The following KLC1 variants were observed in gnomAD, a reference collection of about 807,000 sequenced individuals.
KLC1 encodes the protein kinesin 2 60/70kDa.
A neutral mutation model predicts 84.2 loss-of-function variants in KLC1; 30 were observed. The observed-to-expected ratio is 0.36, with a 90% CI of 0.27 to 0.48. The LOEUF (loss-of-function observed/expected upper bound fraction) is 0.48, where lower values mean the gene tolerates loss of function less well. Among genes scored for constraint, KLC1 ranks in the 20% least tolerant of loss-of-function variants. KLC1 has a pLI of 0.99. For synonymous variants in KLC1, 289 were observed against 293.3 expected (o/e 0.99, Z 0.15); for missense variants, 499 against 805.4 (o/e 0.62, Z 4.60).
Position 103,644,969 on chromosome 14 carries a change from TTCTC to T in KLC1, c.-1-9587_-1-9584del, listed in dbSNP as rs1031231312. 7.9e-5 allele frequency among the ~76,000 whole-genome samples: 12 copies of T among 151,824 alleles called. No individual in the cohort carries two copies. The East Asian group carries it at 1.4e-3, about 17-fold the overall frequency. ...TTCTGTTCTTTTCCTTTTCTTTTCT[TTCTC>T]TCTCTCTTTCTTTCTTTTTCTTTGA... On this transcript the variant is annotated intron_variant, in intron 1 of 16. Coordinates refer to ENST00000334553, the MANE Select transcript of KLC1 (RefSeq NM_001394837.1).
At chr14:103,634,285 G>A (rs147663755) in intron 1 of KLC1, among the ~76,000 whole-genome samples, 77 of 152,252 alleles carry the variant, frequency 5.1e-4, no homozygotes, top group Non-Finnish European at 9.0e-4. Flanking sequence ...TGCTTGGCGT[G>A]TAATAGGAAC....
At chr14:103,652,672 A>T (rs533251707) in intron 1 of KLC1, among the ~76,000 whole-genome samples, 20 of 152,234 alleles carry the variant, frequency 1.3e-4, no homozygotes, top group Non-Finnish European at 2.5e-4. Flanking sequence ...TTGTATTTTT[A>T]GTAGAGACGG....
At chr14:103,699,333 C>G in intron 15 of KLC1, 1 of 1,571,748 alleles carries the variant, frequency 6.4e-7, no homozygotes, top group Non-Finnish European at 8.6e-7. Context: ...AAAATACGAG[C>G]TCAGGGGTGC....
At chr14:103,648,566 T>C (rs1054872740) in intron 1 of KLC1, among the ~76,000 whole-genome samples, 24 of 152,114 alleles carry the variant, frequency 1.6e-4, no homozygotes, top group African/African-American at 5.5e-4. Flanking sequence ...ACAGGTCACT[T>C]GAGCCTAGGA....
intron 1 of KLC1, among the ~76,000 whole-genome samples, 176 bp downstream of exon 1, chr14:103,629,670 C>T (rs570709219): frequency 5.3e-4 from 81 of 152,166 alleles, no homozygotes; most frequent in African/African-American, 1.9e-3. Flanking sequence ...CAGTTCACCG[C>T]CCCGGCCGGT....
rs1187342442 is a variant in KLC1 at position 103,653,432 on chromosome 14, G to A, written c.-1-1132G>A. ...TGCCTCCCGGGCTCAAGTGATTCTCGTGCCTCAGCCCCCTGAGTAGCTGGG... is the reference window on the plus strand; with the variant it reads ...TGCCTCCCGGGCTCAAGTGATTCTCATGCCTCAGCCCCCTGAGTAGCTGGG... On this transcript the variant is annotated intron_variant, in intron 1 of 16. Coordinates refer to ENST00000334553, the MANE Select transcript of KLC1 (RefSeq NM_001394837.1). Among the ~76,000 whole-genome samples the A allele has an allele frequency of 4.6e-5, 7 of 152,090 alleles. No homozygotes were observed. The East Asian group carries it at 5.8e-4, about 13-fold the overall frequency.
chr14:103,636,197 A>G (rs556360348), intron 1 of KLC1, among the ~76,000 whole-genome samples: 1 of 151,986 alleles, frequency 6.6e-6, no homozygotes, highest in East Asian at 1.9e-4. Flanking sequence ...CTTTGTTTCT[A>G]TGATTTTGAC....
rs2078707286 is a variant in KLC1, at chr14:103,654,729, T to G, written c.165T>G (p.Cys55Trp). 6.2e-7 allele frequency: 1 copy of G among 1,614,106 alleles called. No homozygotes were observed. The highest frequency in any genetic ancestry group is 1.7e-5 in the Admixed American group (1 of 60,020). Residue 55 changes from cysteine to tryptophan, a missense_variant, in exon 2 of 17, where the codon TGT becomes TGG. Around this residue, in one of 3 missense-constraint regions of KLC1, gnomAD observed 179 missense variants for 264.2 expected, o/e 0.68. Transcript: ENST00000334553. ...AAAGTTTGCTGGAGACACTGAAGTGTTTGAAGAAAGATGATGAAAGTAATT... is the reference window on the plus strand; with the variant it reads ...AAAGTTTGCTGGAGACACTGAAGTGGTTGAAGAAAGATGATGAAAGTAATT... ...ILQSLLETLK[C>W]LKKDDESNLV...
At chr14:103,696,091 C>CGCCGGG in intron 15 of KLC1, 1 of 744,682 alleles carries the variant, frequency 1.3e-6, no homozygotes, top group Non-Finnish European at 1.5e-6. Flanking sequence ...ATAATCACTG[C>CGCCGGG]GCCCCCGCCC....
chr14:103,692,603 T>C (rs571459199), intron 15 of KLC1, among the ~76,000 whole-genome samples, 178 bp downstream of exon 15: 47 of 152,350 alleles, frequency 3.1e-4, no homozygotes, highest in Non-Finnish European at 8.8e-5. Flanking sequence ...GCTTAACCAC[T>C]GATTATGTGA....
intron 14 of KLC1, among the ~76,000 whole-genome samples, chr14:103,691,927 C>T (rs1208384283): frequency 1.3e-5 from 2 of 151,980 alleles, no homozygotes; most frequent in Non-Finnish European, 2.9e-5. Flanking sequence ...CATGCCACCA[C>T]GCCTGGCTAA....
At chr14:103,643,869 C>T (rs943636339) in intron 1 of KLC1, among the ~76,000 whole-genome samples, 1 of 151,382 alleles carries the variant, frequency 6.6e-6, no homozygotes, top group African/African-American at 2.4e-5. Flanking sequence ...TGGAGGTTGC[C>T]TGGCCCGAAG....
intron 1 of KLC1, among the ~76,000 whole-genome samples, chr14:103,644,537 C>T (rs1308286877): frequency 1.3e-5 from 2 of 152,074 alleles, no homozygotes; most frequent in East Asian, 1.9e-4. Flanking sequence ...TGGACTAAGG[C>T]GTGAGCCACC....
At chr14:103,695,575 C>T (rs1252750923) in intron 15 of KLC1, 1 of 985,176 alleles carries the variant, frequency 1.0e-6, no homozygotes, top group African/African-American at 1.7e-5. Context: ...GTTTGGAACC[C>T]AGACAGTTTC....
At chr14:103,685,442 T>C in intron 13 of KLC1, 2 of 1,206,928 alleles carry the variant, frequency 1.7e-6, no homozygotes, top group Non-Finnish European at 2.1e-6. Context: ...TTCTGTGAAA[T>C]GCACCATGAG....
intron 13 of KLC1, chr14:103,685,959 A>G: frequency 8.9e-7 from 1 of 1,121,428 alleles, no homozygotes; most frequent in Non-Finnish European, 1.1e-6. Context: ...GTTAAGTGTC[A>G]CACAAGGTGT....
intron 1 of KLC1, among the ~76,000 whole-genome samples, chr14:103,647,454 T>A (rs982658571): frequency 2.0e-5 from 3 of 152,040 alleles, no homozygotes; most frequent in Non-Finnish European, 2.9e-5. Context: ...GGTCTTGAAC[T>A]CCTGACCTCA....
intron 15 of KLC1, chr14:103,698,247 G>A (rs992494596): frequency 2.0e-4 from 36 of 176,158 alleles, no homozygotes; most frequent in Non-Finnish European, 4.0e-4. Context: ...AGTGTGTGCC[G>A]AGGTGGGGCC....
At chr14:103,696,259 C>T (rs1439298951) in intron 15 of KLC1, 2 of 985,248 alleles carry the variant, frequency 2.0e-6, no homozygotes, top group African/African-American at 3.5e-5. Flanking sequence ...ATGGATGCTT[C>T]CCTGAAGCAG....
Sources: allele counts gnomAD v4.1 joint callset (sites outside exome capture counted in the v4.1 genomes callset), GRCh38; gene constraint gnomAD v4.1.1; regional missense constraint gnomAD v4.1.1; transcripts MANE v1.5; gene names NCBI Gene and HGNC (gene_info 2026-07-23, HGNC 2026-07-21).